Variants in PTPA observed in about 807,000 individuals in gnomAD.
PTPA encodes protein phosphatase 2 phosphatase activator.
PTPA carries 13 observed loss-of-function variants against 43.6 expected under a neutral mutation model. That is an observed-to-expected ratio of 0.30 (90% CI 0.19 to 0.47). The LOEUF (loss-of-function observed/expected upper bound fraction) is 0.47, where lower values mean the gene tolerates loss of function less well. PTPA is among the 20% of genes least tolerant of loss of function. The pLI is 0.99. For synonymous variants in PTPA, 172 were observed against 158.2 expected, an observed-to-expected ratio of 1.09 and a Z score of -0.66; for missense variants, 329 against 411.9, an observed-to-expected ratio of 0.80 and a Z score of 1.74.
chr9:129,125,597 A>G (rs1849526310), intron 3 of PTPA, among the ~76,000 whole-genome samples: 1 of 147,692 alleles, frequency 6.8e-6, no homozygotes, highest in Non-Finnish European at 1.5e-5. Flanking sequence ...GTGTGGTTAC[A>G]TGCTTGGGTT....
At chr9:129,131,989 C>G (rs1041708533) in intron 5 of PTPA, among the ~76,000 whole-genome samples, 6 of 152,156 alleles carry the variant, frequency 3.9e-5, no homozygotes, top group Admixed American at 3.3e-4. Flanking sequence ...AAGGCAGCAG[C>G]TTACTGAAGC....
At chr9:129,138,364 C>T (rs1390881548) in intron 8 of PTPA, among the ~76,000 whole-genome samples, 1 of 152,184 alleles carries the variant, frequency 6.6e-6, no homozygotes, top group Non-Finnish European at 1.5e-5. Context: ...TTCCTGGGCC[C>T]TCCATCCCAG....
At chr9:129,147,339 G>A in intron 9 of PTPA, 48 bp from the exon 10 acceptor site, 2 of 1,573,990 alleles carry the variant, frequency 1.3e-6, no homozygotes, top group South Asian at 1.1e-5. Flanking sequence ...TCCTGGCAGG[G>A]GTGTGGTGTG....
At chr9:129,146,576 G>C (rs1851316097) in intron 9 of PTPA, among the ~76,000 whole-genome samples, 1 of 152,216 alleles carries the variant, frequency 6.6e-6, no homozygotes. Flanking sequence ...AGGAGGCCCT[G>C]GTCAGTCTTG....
intron 9 of PTPA, among the ~76,000 whole-genome samples, chr9:129,145,700 C>T (rs552519916): frequency 1.3e-5 from 2 of 152,198 alleles, no homozygotes; most frequent in African/African-American, 2.4e-5. Context: ...CAAGTGCTCT[C>T]AGGGGCCTTG....
At chr9:129,126,171 C>T (rs751513433) in intron 3 of PTPA, among the ~76,000 whole-genome samples, 1 of 151,774 alleles carries the variant, frequency 6.6e-6, no homozygotes, top group Non-Finnish European at 1.5e-5. Context: ...AAAACTAGCT[C>T]TTATTTTTTT....
chr9:129,134,937 G>A (rs775269036), intron 6 of PTPA, 43 bp downstream of exon 6: 2 of 1,533,044 alleles, frequency 1.3e-6, no homozygotes, highest in Non-Finnish European at 1.8e-6. Context: ...GGCGTGAGGG[G>A]CCATCTGTTT....
At chr9:129,123,998 A>C (rs1849420329) in intron 3 of PTPA, among the ~76,000 whole-genome samples, 1 of 74,576 alleles carries the variant, frequency 1.3e-5, no homozygotes, top group African/African-American at 5.0e-5. Flanking sequence ...TTTTTATATA[A>C]CTTGAAATTA....
intron 1 of PTPA, 89 bp downstream of exon 1, chr9:129,111,720 C>T (rs1848505875): frequency 1.6e-6 from 2 of 1,241,272 alleles, no homozygotes; most frequent in Admixed American, 4.2e-5. Flanking sequence ...AGAGTCATGA[C>T]ACGGAGGAAC....
At chr9:129,143,642 T>C (rs1851066840) in intron 9 of PTPA, 2 of 550,384 alleles carry the variant, frequency 3.6e-6, no homozygotes, top group Non-Finnish European at 6.5e-6. Context: ...GACCGGGCCC[T>C]CACTCCCTTC....
At chr9:129,115,933 G>A (rs562179254) in intron 1 of PTPA, among the ~76,000 whole-genome samples, 177 of 151,684 alleles carry the variant, frequency 1.2e-3, no homozygotes, top group Admixed American at 2.4e-3. Context: ...CTGAGCCACC[G>A]CGCCTGGCCA....
Position 129,134,890 on chromosome 9 carries a change from A to C in PTPA, c.556A>C (p.Asn186His), listed in dbSNP as rs750665441. The change falls in exon 6 of 10, where the codon AAT (asparagine) becomes CAT (histidine). Residue 186 changes from asparagine (N) to histidine (H), a missense_variant. By Grantham distance (68) the Asn-to-His change is moderately conservative. Coordinates refer to ENST00000393370, the MANE Select transcript of PTPA (RefSeq NM_178000.3). ...DQIAIVFKVF[N>H]RYLEVMRKLQ... ...AATAGCTATTGTCTTCAAGGTGTTC[A>C]ATCGGTGAGAGAAAGGACAGGAGGG... 6.2e-7 allele frequency: 1 copy of C among 1,611,936 alleles called. No homozygotes were observed. The highest frequency in any genetic ancestry group is 2.2e-5 in the East Asian group (1 of 44,866).
At chr9:129,139,856 C>T (rs17508944) in intron 8 of PTPA, among the ~76,000 whole-genome samples, 19 of 152,076 alleles carry the variant, frequency 1.2e-4, no homozygotes, top group African/African-American at 4.3e-4. Context: ...CCCTGATACC[C>T]GTGGGCATCC....
chr9:129,142,349 TGTGTGTGC>T, intron 8 of PTPA, 88 bp from the exon 9 acceptor site: 1 of 1,098,468 alleles, frequency 9.1e-7, no homozygotes, highest in Non-Finnish European at 1.3e-6. Flanking sequence ...TGTGTGTGTG[TGTGTGTGC>T]ATGCATGGGT....
chr9:129,136,629 C>A (rs541420565), intron 7 of PTPA, 34 bp downstream of exon 7: 5 of 1,577,270 alleles, frequency 3.2e-6, no homozygotes, highest in Admixed American at 3.5e-5. Flanking sequence ...CCCTCCACCC[C>A]CAACCAAGGC....
intron 8 of PTPA, among the ~76,000 whole-genome samples, chr9:129,140,539 C>A (rs1245450081): frequency 6.6e-6 from 1 of 152,216 alleles, no homozygotes; most frequent in Non-Finnish European, 1.5e-5. Flanking sequence ...TGTTCTTTGG[C>A]CCTGGTAGGC....
At chr9:129,134,760 GACT>G (rs1385388362) in intron 5 of PTPA, 32 bp from the exon 6 acceptor site, 1 of 1,532,052 alleles carries the variant, frequency 6.5e-7, no homozygotes, top group East Asian at 2.2e-5. Flanking sequence ...CCTTTACCTG[GACT>G]ACTGTCAACG....
intron 7 of PTPA, 150 bp downstream of exon 7, chr9:129,136,745 G>A (rs1850398811): frequency 9.0e-7 from 1 of 1,107,482 alleles, no homozygotes; most frequent in South Asian, 1.9e-5. Flanking sequence ...ACCAGCTATT[G>A]AGGGAGGCTG....
At chr9:129,117,160 G>A (rs902632648) in intron 1 of PTPA, among the ~76,000 whole-genome samples, 6 of 151,512 alleles carry the variant, frequency 4.0e-5, no homozygotes, top group African/African-American at 7.3e-5. Flanking sequence ...TGATCCTCCC[G>A]CCTCAGCCCC....
Sources: gnomAD v4.1 joint callset for allele counts (sites outside exome capture counted in the v4.1 genomes callset) on GRCh38, gnomAD v4.1.1 for gene constraint, MANE v1.5 for transcripts, NCBI Gene and HGNC (gene_info 2026-07-23, HGNC 2026-07-21) for gene names.